BCAR3: variants seen among roughly 807,000 people sequenced by gnomAD.
BCAR3 encodes the protein breast cancer anti-estrogen resistance protein 3.
BCAR3 carries 37 observed loss-of-function variants against 80.1 expected under a neutral mutation model. That is an observed-to-expected ratio of 0.46 (90% CI 0.36 to 0.61). The LOEUF (loss-of-function observed/expected upper bound fraction) is 0.61. BCAR3 is among the 20% of genes least tolerant of loss of function. BCAR3 has a pLI of 0.00. For synonymous variants in BCAR3, 389 were observed against 418.9 expected (o/e 0.93, Z 0.87); for missense variants, 978 against 1,068.2 (o/e 0.92, Z 1.18).
Position 93,809,775 on chromosome 1 carries a change from T to TAAA in BCAR3, c.-63+35789_-63+35791dup, listed in dbSNP as rs59236584. ...AGAGCAAGACTTCGTCTCAAAAAGA[T>TAAA]AAAAAAAAAAAAAAAAAAAAATCAT... is the stretch of plus-strand genomic sequence containing the variant. On this transcript the variant is annotated intron_variant, in intron 2 of 13. Transcript: ENST00000370244. Among the ~76,000 whole-genome samples, 154 of 55,514 alleles carry TAAA rather than the reference T, an allele frequency of 2.8e-3. 1 individual carries two copies. Among genetic ancestry groups the TAAA allele is most frequent in the African/African-American group, 0.01 (135 of 13,246 alleles). 36.4% of individuals were successfully genotyped at this position (55,514 alleles called of 152,430 possible). A position where few individuals can be genotyped will look rare whatever the true frequency, so the allele number is the denominator to read the frequency against.
At chr1:93,682,893 G>C (rs1467112198), upstream of BCAR3, among the ~76,000 whole-genome samples, 5 of 152,000 alleles carry the variant, frequency 3.3e-5, no homozygotes, top group Non-Finnish European at 7.4e-5. Flanking sequence ...CCAATAACAC[G>C]ATCCAAAGAA....
chr1:93,768,513 C>A (rs1180289854), intron 2 of BCAR3, among the ~76,000 whole-genome samples: 1 of 152,196 alleles, frequency 6.6e-6, no homozygotes, highest in East Asian at 1.9e-4. Context: ...AAAACACCAT[C>A]ACCCACCCTT....
intron 3 of BCAR3, among the ~76,000 whole-genome samples, chr1:93,593,066 G>A (rs1287841884): frequency 1.3e-5 from 2 of 152,210 alleles, no homozygotes; most frequent in African/African-American, 2.4e-5. Context: ...TCAGATGTTT[G>A]AGAATCAGTG....
chr1:93,658,873 C>A (rs78361368), intron 2 of BCAR3, among the ~76,000 whole-genome samples: 4,348 of 152,218 alleles, frequency 0.029, 96 homozygotes, highest in East Asian at 0.081. Flanking sequence ...GTAGGCTGAA[C>A]CTCTCTGTTT....
intron 3 of BCAR3, among the ~76,000 whole-genome samples, chr1:93,632,311 G>A (rs1195999444): frequency 1.3e-5 from 2 of 152,294 alleles, no homozygotes; most frequent in East Asian, 3.9e-4. Flanking sequence ...GGCTTTTGAG[G>A]CCATAGTGTC....
At chr1:93,842,148 C>CTTTTT (rs3068798) in intron 2 of BCAR3, among the ~76,000 whole-genome samples, 1 of 143,428 alleles carries the variant, frequency 7.0e-6, no homozygotes, top group Non-Finnish European at 1.5e-5. Flanking sequence ...ACCTGTCATC[C>CTTTTT]TTTTTTTTTT....
At position 93,592,499 on chromosome 1, in the gene BCAR3, C is replaced by T; in HGVS notation, c.358-106G>A. 7.0e-7 allele frequency: 1 copy of T among 1,420,266 alleles called. No homozygotes were observed. The highest frequency in any genetic ancestry group is 9.4e-7 in the Non-Finnish European group (1 of 1,065,862). 88.0% of individuals were successfully genotyped at this position (1,420,266 alleles called of 1,614,324 possible). On this transcript the variant is annotated intron_variant, in intron 3 of 11. Coordinates refer to ENST00000260502, the MANE Select transcript of BCAR3 (RefSeq NM_003567.4). The surrounding 1 kb of genome is among the most constrained non-coding windows in gnomAD (Gnocchi z 4.8). The stretch of plus-strand genomic sequence containing the variant: ...CTAATCCAACCAGTTATGCTACAGC[C>T]TGCATTCAGGTAGGGGAGCCTGGAT...
intron 2 of BCAR3, among the ~76,000 whole-genome samples, chr1:93,741,866 C>T (rs371482780): frequency 1.7e-4 from 26 of 152,178 alleles, no homozygotes; most frequent in African/African-American, 6.0e-4. Flanking sequence ...CCATCACTCC[C>T]GGCCTTATTT....
intron 2 of BCAR3, among the ~76,000 whole-genome samples, chr1:93,715,569 G>A (rs945463992): frequency 1.3e-5 from 2 of 152,146 alleles, no homozygotes; most frequent in Middle Eastern, 3.2e-3. Flanking sequence ...GCCTCTTAGG[G>A]TGCCAGAGCT....
Position 93,576,074 on chromosome 1 carries a change from G to A in BCAR3, c.1742C>T (p.Ser581Leu). ...EEMRRNMGVSSGLELITLPHG... is the reference protein window; with the variant it reads ...EEMRRNMGVSLGLELITLPHG... ...AGGCAAGGTAATGAGTTCCAGGCCT[G>A]AGCTCACCCCCATGTTCCTCCTCAT... The change falls in exon 8 of 12, where the codon TCA becomes TTA. Residue 581 changes from serine (S) to leucine (L), a missense_variant. Transcript: ENST00000260502. 6.2e-7 allele frequency: 1 copy of A among 1,614,156 alleles called. No individual in the cohort carries two copies. The highest frequency in any genetic ancestry group is 8.5e-7 in the Non-Finnish European group (1 of 1,180,038).
At chr1:93,573,601 A>AATAT (rs1673311738) in intron 8 of BCAR3, among the ~76,000 whole-genome samples, 1 of 143,240 alleles carries the variant, frequency 7.0e-6, no homozygotes, top group Non-Finnish European at 1.5e-5. Flanking sequence ...ATAGACCTAA[A>AATAT]ATATATTTTT....
chr1:93,593,603 G>A lies in BCAR3; in HGVS notation c.358-1210C>T, dbSNP rs1674303664. Among the ~76,000 whole-genome samples the A allele has an allele frequency of 2.6e-5, 4 of 151,996 alleles. 1 individual carries two copies. The South Asian group carries it at 8.3e-4, about 32-fold the overall frequency. On this transcript the variant is annotated intron_variant, in intron 3 of 11. Transcript: ENST00000260502. ...TTGCCCAGGCTGGTCTCAAACTCCTGGGCTCAAGCGATCCACCCACCTTGG... is the reference window on the plus strand; with the variant it reads ...TTGCCCAGGCTGGTCTCAAACTCCTAGGCTCAAGCGATCCACCCACCTTGG...
In BCAR3 at chr1:93,818,011, T is replaced by G. The variant is rs544530857; in HGVS notation, c.-63+27556A>C. Among the ~76,000 whole-genome samples the G allele has an allele frequency of 5.3e-5, 8 of 152,332 alleles. No individual in the cohort carries two copies. The East Asian group carries it at 1.5e-3, about 29-fold the overall frequency. On this transcript the variant is annotated intron_variant, in intron 2 of 13. Transcript: ENST00000370244. ...TGAGACTTTAGTGACTGCTCCCTCC[T>G]TACCGGTGACGCACTGGTTCCCAGG...
At chr1:93,714,107 C>G (rs528788496) in intron 2 of BCAR3, among the ~76,000 whole-genome samples, 11 of 152,168 alleles carry the variant, frequency 7.2e-5, no homozygotes, top group Admixed American at 2.0e-4. Context: ...CTCAGCCTCC[C>G]GAGTAGCTGG....
intron 2 of BCAR3, among the ~76,000 whole-genome samples, chr1:93,752,344 G>A (rs1457339115): frequency 6.6e-6 from 1 of 152,206 alleles, no homozygotes; most frequent in African/African-American, 2.4e-5. Flanking sequence ...GGAGCTGTGA[G>A]GTTTCTCCTT....
chr1:93,847,372 G>C (rs1655252944), upstream of BCAR3: 1 of 154,596 alleles, frequency 6.5e-6, no homozygotes, highest in African/African-American at 2.4e-5. Flanking sequence ...GCCGCCCTTG[G>C]CTCAACTGGG....
intron 3 of BCAR3, among the ~76,000 whole-genome samples, chr1:93,705,260 C>G (rs1306778249): frequency 6.6e-6 from 1 of 152,110 alleles, no homozygotes; most frequent in Non-Finnish European, 1.5e-5. Flanking sequence ...GGTCTTAGGA[C>G]TGCAGTAATT....
chr1:93,673,764 G>A (rs1648330940), intron 2 of BCAR3, among the ~76,000 whole-genome samples: 1 of 152,240 alleles, frequency 6.6e-6, no homozygotes, highest in Non-Finnish European at 1.5e-5. Context: ...GTATTCTGAA[G>A]CTGACCTGCT....
At chr1:93,583,158 C>T (rs960915565) in intron 6 of BCAR3, among the ~76,000 whole-genome samples, 7 of 152,192 alleles carry the variant, frequency 4.6e-5, no homozygotes, top group African/African-American at 1.7e-4. Flanking sequence ...CTGGGCTTGC[C>T]CCATCCCACA....
Sources: allele counts gnomAD v4.1 joint callset (sites outside exome capture counted in the v4.1 genomes callset), GRCh38; gene constraint gnomAD v4.1.1; non-coding constraint Gnocchi (gnomAD v3.1); transcripts MANE v1.5; gene names NCBI Gene and HGNC (gene_info 2026-07-23, HGNC 2026-07-21).